The following MED27 variants were observed in gnomAD, a reference collection of about 807,000 sequenced individuals.
MED27 encodes mediator of RNA polymerase II transcription subunit 27.
In MED27, 30 loss-of-function variants were observed where a neutral mutation model predicts 38.2. The observed-to-expected ratio is 0.79, with a 90% confidence interval of 0.59 to 1.07. The LOEUF is 1.07. Among genes scored for constraint, MED27 ranks in the 50% least tolerant of loss-of-function variants. The pLI is 0.00. For missense variants in MED27, 289 were observed against 397.5 expected (o/e 0.73, Z 2.32); for synonymous variants, 122 against 153.5 (o/e 0.79, Z 1.52).
chr9:131,881,800 C>CTTTTTTTTTT (rs61624043), intron 6 of MED27, among the ~76,000 whole-genome samples: 1,091 of 60,928 alleles, frequency 0.018, 94 homozygotes, highest in Non-Finnish European at 0.024. Flanking sequence ...TCTTCTTCTT[C>CTTTTTTTTTT]TTTTTTTTTT....
In MED27 at chr9:131,980,238, C is replaced by T. The variant is rs1234181399; in HGVS notation, c.479+34099G>A. On this transcript the variant is annotated intron_variant, in intron 3 of 7. Transcript: ENST00000292035. ...GGGGGAGAGGGAGGAAAGTGAGGTG[C>T]TATTTAATAAGAGCAGTTGCTCTAA... Among the ~76,000 whole-genome samples the T allele has an allele frequency of 2.0e-5, 3 of 152,070 alleles. No individual in the cohort carries two copies. The East Asian group carries it at 5.8e-4, about 29-fold the overall frequency.
intron 4 of MED27, among the ~76,000 whole-genome samples, chr9:131,909,765 A>T (rs1004070283): frequency 6.6e-6 from 1 of 152,228 alleles, no homozygotes; most frequent in Non-Finnish European, 1.5e-5. Context: ...AGGCAACCAA[A>T]CAACACTGTT....
At chr9:131,940,021 T>A (rs1589223757) in intron 3 of MED27, among the ~76,000 whole-genome samples, 1 of 150,542 alleles carries the variant, frequency 6.6e-6, no homozygotes. Context: ...ATTCTCCTGC[T>A]TCAGCCTCCC....
intron 4 of MED27, among the ~76,000 whole-genome samples, chr9:131,896,888 C>A (rs762431973): frequency 6.6e-6 from 1 of 152,202 alleles, no homozygotes; most frequent in Non-Finnish European, 1.5e-5. Flanking sequence ...TGCGCCACCA[C>A]GCCCAGCTAA....
At chr9:131,912,130 T>G (rs182152013) in intron 4 of MED27, among the ~76,000 whole-genome samples, 172 of 152,244 alleles carry the variant, frequency 1.1e-3, no homozygotes, top group Non-Finnish European at 1.9e-3. Context: ...AGTTCCTAAT[T>G]TAAAAAGAAG....
rs116465527 is a variant in MED27 at position 131,981,409 on chromosome 9, G to A, written c.479+32928C>T. ...CAAATGAAACTAAAATACGATCTCT[G>A]ATCGTGAAGAAGTCAAACACATAAG... On this transcript the variant is annotated intron_variant, in intron 3 of 7. Coordinates refer to ENST00000292035, the MANE Select transcript of MED27 (RefSeq NM_004269.4). Among the ~76,000 whole-genome samples, 1,327 of 152,264 alleles carry A rather than the reference G, an allele frequency of 8.7e-3. 19 individuals carry two copies. The highest frequency in any genetic ancestry group is 0.03 in the African/African-American group (1,267 of 41,544).
intron 2 of MED27, among the ~76,000 whole-genome samples, chr9:132,060,515 G>A (rs1282310221): frequency 6.6e-6 from 1 of 152,188 alleles, no homozygotes; most frequent in Non-Finnish European, 1.5e-5. Context: ...CCACTGCACG[G>A]TCCCACATGA....
At chr9:131,864,834 G>A (rs1838710137) in intron 6 of MED27, among the ~76,000 whole-genome samples, 1 of 152,250 alleles carries the variant, frequency 6.6e-6, no homozygotes, top group Non-Finnish European at 1.5e-5. Flanking sequence ...AATGGAGACT[G>A]TACTGCATAC....
chr9:131,962,726 A>G (rs1249300838), intron 3 of MED27, among the ~76,000 whole-genome samples: 5 of 152,202 alleles, frequency 3.3e-5, no homozygotes, highest in Non-Finnish European at 7.3e-5. Context: ...GCTTGGACAT[A>G]CTCAACTCCA....
At chr9:132,039,652 C>T (rs1468865309) in intron 2 of MED27, among the ~76,000 whole-genome samples, 1 of 151,982 alleles carries the variant, frequency 6.6e-6, no homozygotes, top group Non-Finnish European at 1.5e-5. Context: ...GGGAACCCTA[C>T]TTCAAAGGAG....
chr9:131,908,351 C>T (rs1830117696), intron 4 of MED27, among the ~76,000 whole-genome samples: 1 of 152,156 alleles, frequency 6.6e-6, no homozygotes, highest in African/African-American at 2.4e-5. Context: ...CCCCTCTGCC[C>T]GGCCACCACC....
At chr9:132,018,982 A>G (rs1832664214) in intron 2 of MED27, among the ~76,000 whole-genome samples, 1 of 152,190 alleles carries the variant, frequency 6.6e-6, no homozygotes, top group South Asian at 2.1e-4. Flanking sequence ...AAGTTATAAT[A>G]AATTCTGTCT....
At chr9:131,969,264 A>G (rs992095252) in intron 3 of MED27, among the ~76,000 whole-genome samples, 11 of 149,230 alleles carry the variant, frequency 7.4e-5, no homozygotes. Flanking sequence ...TGATCTAGAG[A>G]TTGTTTACTC....
intron 3 of MED27, among the ~76,000 whole-genome samples, chr9:131,977,576 C>T (rs1417805976): frequency 3.3e-5 from 5 of 152,170 alleles, no homozygotes; most frequent in Non-Finnish European, 7.3e-5. Context: ...AGATCTTCCC[C>T]TCCCTGAGAG....
At chr9:132,011,081 GA>G (rs1375638546) in intron 3 of MED27, among the ~76,000 whole-genome samples, 37 of 152,080 alleles carry the variant, frequency 2.4e-4, no homozygotes, top group African/African-American at 7.7e-4. Context: ...CCAAAAGATG[GA>G]TATTGATATG....
chr9:132,024,880 A>C (rs896984926), intron 2 of MED27, among the ~76,000 whole-genome samples: 1 of 152,224 alleles, frequency 6.6e-6, no homozygotes, highest in African/African-American at 2.4e-5. Context: ...GACACGTGAA[A>C]TAATCAGGTT....
At chr9:132,077,930 G>A (rs1367814909) in intron 1 of MED27, among the ~76,000 whole-genome samples, 2 of 152,172 alleles carry the variant, frequency 1.3e-5, no homozygotes, top group African/African-American at 4.8e-5. Flanking sequence ...GTATAACACT[G>A]CCTCTCACTA....
chr9:132,071,578 G>GT (rs1833938905), intron 2 of MED27, among the ~76,000 whole-genome samples: 1 of 145,802 alleles, frequency 6.9e-6, no homozygotes, highest in East Asian at 2.1e-4. Flanking sequence ...CAAGTAACCC[G>GT]TATCCCATGA....
intron 2 of MED27, among the ~76,000 whole-genome samples, chr9:132,055,444 A>G (rs1289182789): frequency 1.3e-5 from 2 of 152,206 alleles, no homozygotes; most frequent in Non-Finnish European, 2.9e-5. Flanking sequence ...CTTTATAAAC[A>G]AAATACAGTA....
Sources: allele counts gnomAD v4.1 joint callset (sites outside exome capture counted in the v4.1 genomes callset), GRCh38; gene constraint gnomAD v4.1.1; transcripts MANE v1.5; gene names NCBI Gene and HGNC (gene_info 2026-07-23, HGNC 2026-07-21).